Variants in KCNH8 observed in about 807,000 individuals in gnomAD.
The protein encoded by KCNH8 is potassium voltage-gated channel subfamily H member 8, also known as voltage-gated delayed rectifier potassium channel KCNH8.
A neutral mutation model predicts 103.6 loss-of-function variants in KCNH8; 70 were observed. The observed-to-expected ratio is 0.68, with a 90% CI of 0.56 to 0.82. The LOEUF (loss-of-function observed/expected upper bound fraction) is 0.82, where lower values mean the gene tolerates loss of function less well. KCNH8 is among the 40% of genes least tolerant of loss of function. The pLI, the probability that KCNH8 is intolerant of heterozygous loss-of-function variation, is 0.00. For missense variants in KCNH8, 1,217 were observed against 1,329.9 expected (o/e 0.92, Z 1.32); for synonymous variants, 498 against 489.4 (o/e 1.02, Z -0.23).
At chr3:19,294,972 A>G (rs990821240) in intron 3 of KCNH8, among the ~76,000 whole-genome samples, 6 of 152,156 alleles carry the variant, frequency 3.9e-5, no homozygotes, top group Non-Finnish European at 8.8e-5. Flanking sequence ...TTTTTTATAC[A>G]ATATATTTCT....
chr3:19,175,881 T>C (rs943943270), intron 1 of KCNH8, among the ~76,000 whole-genome samples: 2 of 152,292 alleles, frequency 1.3e-5, no homozygotes, highest in South Asian at 4.2e-4. Context: ...GTGAGCTATT[T>C]ATATTTAGAT....
At chr3:19,310,725 A>G (rs975088122) in intron 3 of KCNH8, among the ~76,000 whole-genome samples, 1 of 151,862 alleles carries the variant, frequency 6.6e-6, no homozygotes, top group Non-Finnish European at 1.5e-5. Flanking sequence ...GAGTAATTTT[A>G]TGAATATATC....
At chr3:19,241,189 G>A (rs2064136600) in intron 1 of KCNH8, among the ~76,000 whole-genome samples, 1 of 151,908 alleles carries the variant, frequency 6.6e-6, no homozygotes, top group Admixed American at 6.6e-5. Flanking sequence ...TCATTCTGAA[G>A]ATTAAAACTG....
intron 8 of KCNH8, among the ~76,000 whole-genome samples, chr3:19,449,543 G>A (rs927398399): frequency 1.3e-5 from 2 of 151,710 alleles, no homozygotes; most frequent in Non-Finnish European, 2.9e-5. Flanking sequence ...TAATATAAAT[G>A]TATCATATTT....
intron 15 of KCNH8, among the ~76,000 whole-genome samples, chr3:19,519,790 C>T (rs2068940342): frequency 6.6e-6 from 1 of 151,846 alleles, no homozygotes; most frequent in Non-Finnish European, 1.5e-5. Context: ...CCCATCAATA[C>T]CATTTGAATT....
intron 5 of KCNH8, among the ~76,000 whole-genome samples, chr3:19,366,034 C>T (rs1294598125): frequency 6.6e-6 from 1 of 151,946 alleles, no homozygotes; most frequent in Non-Finnish European, 1.5e-5. Context: ...TATAACACAT[C>T]TTTTTTTAAA....
chr3:19,317,586 T>C (rs1337556208), intron 3 of KCNH8, among the ~76,000 whole-genome samples: 5 of 151,700 alleles, frequency 3.3e-5, no homozygotes, highest in Non-Finnish European at 1.5e-5. Flanking sequence ...ACTATAAGAA[T>C]AGAGAAAAAT....
At chr3:19,375,954 G>C (rs928411244) in intron 5 of KCNH8, among the ~76,000 whole-genome samples, 10 of 152,146 alleles carry the variant, frequency 6.6e-5, no homozygotes, top group South Asian at 2.1e-4. Context: ...CAGTCTGCCC[G>C]TTCTCAGATC....
intron 2 of KCNH8, among the ~76,000 whole-genome samples, chr3:19,268,472 A>G (rs1407140445): frequency 6.6e-6 from 1 of 152,090 alleles, no homozygotes; most frequent in Non-Finnish European, 1.5e-5. Flanking sequence ...TGTTTATCAC[A>G]TAGGAGAAGG....
At chr3:19,531,026 A>C (rs2069152247) in intron 15 of KCNH8, among the ~76,000 whole-genome samples, 1 of 152,244 alleles carries the variant, frequency 6.6e-6, no homozygotes, top group South Asian at 2.1e-4. Context: ...AAACATACAA[A>C]CATTTATTGA....
chr3:19,423,751 A>G (rs183163439), intron 7 of KCNH8, among the ~76,000 whole-genome samples: 7 of 152,156 alleles, frequency 4.6e-5, no homozygotes, highest in Admixed American at 4.6e-4. Context: ...ATTTGTGTGC[A>G]AGTGTCTTTT....
At chr3:19,524,978 G>C (rs2069038302) in intron 15 of KCNH8, among the ~76,000 whole-genome samples, 1 of 151,824 alleles carries the variant, frequency 6.6e-6, no homozygotes, top group African/African-American at 2.4e-5. Flanking sequence ...GGTGGAAAAG[G>C]TCGGTTGTCA....
intron 1 of KCNH8, among the ~76,000 whole-genome samples, chr3:19,237,507 C>T (rs1486475829): frequency 6.6e-6 from 1 of 152,166 alleles, no homozygotes; most frequent in Non-Finnish European, 1.5e-5. Flanking sequence ...GAATACATAC[C>T]TGAGTATTAA....
At chr3:19,446,172 A>C (rs2067359787) in intron 8 of KCNH8, among the ~76,000 whole-genome samples, 1 of 152,070 alleles carries the variant, frequency 6.6e-6, no homozygotes, top group South Asian at 2.1e-4. Flanking sequence ...CAAAATATAC[A>C]GAAAAGATTT....
intron 1 of KCNH8, among the ~76,000 whole-genome samples, chr3:19,162,935 T>G (rs1174388624): frequency 1.3e-5 from 2 of 152,126 alleles, no homozygotes; most frequent in African/African-American, 4.8e-5. Context: ...ATCCTGTATA[T>G]AGCAAAATTT....
chr3:19,170,954 G>A (rs1249477160), intron 1 of KCNH8, among the ~76,000 whole-genome samples: 2 of 151,686 alleles, frequency 1.3e-5, no homozygotes, highest in Non-Finnish European at 2.9e-5. Flanking sequence ...TGGGACTACA[G>A]GCATCCGCCA....
intron 15 of KCNH8, among the ~76,000 whole-genome samples, chr3:19,531,862 T>C (rs2069167469): frequency 6.6e-6 from 1 of 152,230 alleles, no homozygotes; most frequent in Non-Finnish European, 1.5e-5. Context: ...ATTTAGCCCA[T>C]AGGTTCAGCT....
rs996617097 is a variant in KCNH8 at position 19,148,585 on chromosome 3, C to T, written c.-135C>T. ...TTCTCCCTCCATCCTTCCACTTCCC[C>T]TGCTCGGCCCCGCCGTCAGGCCGGG... On this transcript the variant is annotated 5_prime_UTR_variant, in exon 1 of 16. Transcript: ENST00000328405. 9 of 817,672 alleles carry T rather than the reference C, an allele frequency of 1.1e-5. No individual in the cohort carries two copies. The highest frequency in any genetic ancestry group is 1.7e-5 in the African/African-American group (1 of 59,860). 50.7% of individuals were successfully genotyped at this position (817,672 alleles called of 1,614,324 possible).
intron 5 of KCNH8, among the ~76,000 whole-genome samples, chr3:19,352,178 G>A (rs2065812342): frequency 6.6e-6 from 1 of 152,148 alleles, no homozygotes; most frequent in South Asian, 2.1e-4. Context: ...AACAAGAAGA[G>A]CTAATTATCC....
Sources: gnomAD v4.1 joint callset for allele counts (sites outside exome capture counted in the v4.1 genomes callset) on GRCh38, gnomAD v4.1.1 for gene constraint, MANE v1.5 for transcripts, NCBI Gene and HGNC (gene_info 2026-07-23, HGNC 2026-07-21) for gene names.